The following ZNF692 variants were observed in gnomAD, a reference collection of about 807,000 sequenced individuals.
ZNF692 encodes zinc finger protein 692.
ZNF692 carries 41 observed loss-of-function variants against 49.0 expected under a neutral mutation model. The observed-to-expected ratio is 0.84, with a 90% CI of 0.65 to 1.08. ZNF692 has a LOEUF of 1.08. Ranked by LOEUF, ZNF692 falls within the 50% of genes least tolerant of loss-of-function variation. The probability of loss-of-function intolerance (pLI) is 0.00; values close to 1 mark genes in which losing one functional copy is unlikely to be tolerated. For missense variants in ZNF692, 662 were observed against 662.2 expected, an observed-to-expected ratio of 1.00 and a Z score of 0.00; for synonymous variants, 288 against 251.5, an observed-to-expected ratio of 1.15 and a Z score of -1.37.
Position 248,854,153 on chromosome 1 carries a change from C to T in ZNF692, c.1039-102G>A, listed in dbSNP as rs1330835930. 4 of 813,274 alleles carry T rather than the reference C, an allele frequency of 4.9e-6. No homozygotes were observed. In the Admixed American group the frequency reaches 6.3e-5, roughly 13 times the overall value. The allele number at this position is 813,274 out of a possible 1,614,324, so 50.4% of individuals were successfully genotyped here. ...ACCCGGCAGGCATGCTCCTCTGTCCCCTTCCTGGCCCCTGTGCCCCAGCAG... is the reference window on the plus strand; with the variant it reads ...ACCCGGCAGGCATGCTCCTCTGTCCTCTTCCTGGCCCCTGTGCCCCAGCAG... On this transcript the variant is annotated intron_variant, in intron 9 of 11. Transcript: ENST00000306601.
chr1:248,850,649 C>T, intron 11 of ZNF692, 33 bp downstream of exon 11: 1 of 1,612,324 alleles, frequency 6.2e-7, no homozygotes, highest in Non-Finnish European at 8.5e-7. Flanking sequence ...TCCCTTCTAG[C>T]CCCTGGCCCT....
At chr1:248,854,350 C>A (rs1285726546) in intron 9 of ZNF692, 2 of 321,518 alleles carry the variant, frequency 6.2e-6, no homozygotes, top group African/African-American at 4.2e-5. Context: ...CTGCAATGTT[C>A]CCTGTACAAA....
intron 10 of ZNF692, 70 bp downstream of exon 10, chr1:248,853,867 G>T: frequency 3.2e-6 from 4 of 1,255,278 alleles, no homozygotes; most frequent in Non-Finnish European, 4.6e-6. Context: ...AACCCACAGA[G>T]CCCAGGGTGA....
Position 248,858,445 on chromosome 1 carries a change from T to C in ZNF692, c.-12-124A>G. ...CTGGGGCAAGACTAAACTATTTCAA[T>C]AGCAGTGGCAGGTGTGGAGCCAAAC... On this transcript the variant is annotated intron_variant, in intron 1 of 11. Transcript: ENST00000306601. The surrounding 1 kb of genome is among the most constrained non-coding windows in gnomAD (Gnocchi z 4.3). 1.9e-6 allele frequency: 3 copies of C among 1,551,304 alleles called. No individual in the cohort carries two copies. The highest frequency in any genetic ancestry group is 1.7e-6 in the Non-Finnish European group (2 of 1,146,652).
In ZNF692 at chr1:248,851,050, C is replaced by T. The variant is rs1036556048; in HGVS notation, c.1154-269G>A. Reference sequence around the variant, plus strand: ...CCAATCCCACTCAAACCAATGAACTCCTGATGGAAGTGCACCACCCCACCT... The same window carrying T: ...CCAATCCCACTCAAACCAATGAACTTCTGATGGAAGTGCACCACCCCACCT... On this transcript the variant is annotated intron_variant, in intron 10 of 11. Coordinates refer to ENST00000306601, the MANE Select transcript of ZNF692 (RefSeq NM_017865.4). 55 of 610,878 alleles carry T rather than the reference C, an allele frequency of 9.0e-5. No individual in the cohort carries two copies. The East Asian group carries it at 1.4e-3, about 16-fold the overall frequency. The allele number at this position is 610,878 out of a possible 1,614,324, so 37.8% of individuals were successfully genotyped here.
chr1:248,858,085 CT>C lies in ZNF692; in HGVS notation c.179+45del, dbSNP rs1286310867. 5 of 1,549,708 alleles carry C rather than the reference CT, an allele frequency of 3.2e-6. No individual in the cohort carries two copies. The highest frequency in any genetic ancestry group is 3.5e-6 in the Non-Finnish European group (4 of 1,151,684). On this transcript the variant is annotated intron_variant, in intron 2 of 11. Transcript: ENST00000306601. This position sits in a 1 kb window ranked among gnomAD's most constrained non-coding sequence, Gnocchi z 4.3. ...CAGGCCCTGGAGAGGAGGCTAGGGG[CT>C]GCTGCCTGGGTACCCTCCCCCAAGC...
chr1:248,858,490 G>A lies in ZNF692; in HGVS notation c.-12-169C>T. ...CCAAACCCCGTCCTTCTATGATACA[G>A]GGTGTTGAAGCTCAGCGCTACCATG... On this transcript the variant is annotated intron_variant, in intron 1 of 11. Transcript: ENST00000306601. The surrounding 1 kb of genome is among the most constrained non-coding windows in gnomAD (Gnocchi z 4.3). 1 of 1,551,744 alleles carries A rather than the reference G, an allele frequency of 6.4e-7. No individual in the cohort carries two copies.
chr1:248,852,043 GAC>G (rs1229704334), intron 10 of ZNF692, among the ~76,000 whole-genome samples: 13 of 152,188 alleles, frequency 8.5e-5, no homozygotes, highest in African/African-American at 3.1e-4. Context: ...ACTCAGGATA[GAC>G]ACAACTTTTG....
At chr1:248,857,973 G>C (rs748187753) in intron 2 of ZNF692, 114 bp from the exon 3 acceptor site, 25 of 1,556,800 alleles carry the variant, frequency 1.6e-5, no homozygotes, top group African/African-American at 2.7e-5. Flanking sequence ...GAGACCATGA[G>C]GAGGGGAGCA....
At position 248,855,700 on chromosome 1, in the gene ZNF692, C is replaced by CT. The variant is rs1174596914; in HGVS notation, c.881+24dup. 7.4e-6 allele frequency: 12 copies of CT among 1,614,088 alleles called. No individual in the cohort carries two copies. In the Admixed American group the frequency reaches 1.3e-4, roughly 18 times the overall value. On this transcript the variant is annotated intron_variant, in intron 7 of 11. Transcript: ENST00000306601. ...GGCCACATCCCAGGACGCCCCTGCC[C>CT]TTTCTGTCTCAGCCATCAGGTTACC...
Position 248,856,540 on chromosome 1 carries a change from C to G in ZNF692, c.498G>C (p.Glu166Asp), listed in dbSNP as rs772863061. ...ELADLESEHD[E>D]RTQEARLPRR... is the part of the protein sequence containing the mutation. ...TGGGCAACCTGGCCTCTTGAGTCCT[C>G]TCATCATGCTCAGATTCCAAATCTG... is the stretch of plus-strand genomic sequence containing the variant. Residue 166 changes from glutamate (E) to aspartate (D), a missense_variant, in exon 5 of 12, where the codon GAG (glutamate) becomes GAC (aspartate). Coordinates refer to ENST00000306601, the MANE Select transcript of ZNF692 (RefSeq NM_017865.4). 9 of 1,614,176 alleles carry G rather than the reference C, an allele frequency of 5.6e-6. No homozygotes were observed. Among genetic ancestry groups the G allele is most frequent in the Non-Finnish European group, 7.6e-6 (9 of 1,180,042 alleles).
chr1:248,853,399 G>A (rs1376239597), intron 10 of ZNF692, among the ~76,000 whole-genome samples: 1 of 152,164 alleles, frequency 6.6e-6, no homozygotes, highest in African/African-American at 2.4e-5. Context: ...ATGTCAAACT[G>A]TCCTGTGGAT....
chr1:248,855,382 T>G lies in ZNF692; in HGVS notation c.1036A>C (p.Asn346His). The change falls in exon 9 of 12, where the codon AAT (asparagine) becomes CAT (histidine). Residue 346 changes from asparagine to histidine, a missense_variant and splice_region_variant. Asn to His is a moderately conservative substitution (Grantham distance 68). Coordinates refer to ENST00000306601, the MANE Select transcript of ZNF692 (RefSeq NM_017865.4). ...AGGCCCCAACCTGTGCCCCTCACATTCAAATACTGCCGGTTGGAGAAGATC... is the reference window on the plus strand; with the variant it reads ...AGGCCCCAACCTGTGCCCCTCACATGCAAATACTGCCGGTTGGAGAAGATC... ...GRIFSNRQYL[N>H]HHKKYQHIHQ... is the part of the protein sequence containing the mutation. 1 of 1,614,024 alleles carries G rather than the reference T, an allele frequency of 6.2e-7. No homozygotes were observed. Among genetic ancestry groups the G allele is most frequent in the Non-Finnish European group, 8.5e-7 (1 of 1,180,008 alleles).
chr1:248,857,949 G>A (rs747412235), intron 2 of ZNF692, 90 bp from the exon 3 acceptor site: 1 of 1,574,480 alleles, frequency 6.4e-7, no homozygotes, highest in Non-Finnish European at 8.6e-7. Context: ...CAGCCCTAAG[G>A]GCCGCTATTC....
In ZNF692 at chr1:248,855,631, C is replaced by A. The variant is rs202070604; in HGVS notation, c.886G>T (p.Gly296Trp). The A allele has an allele frequency of 3.1e-6, 5 of 1,614,226 alleles. No individual in the cohort carries two copies. In the Admixed American group the frequency reaches 8.3e-5, roughly 27 times the overall value. The change falls in exon 8 of 12, where the codon GGG (glycine) becomes TGG (tryptophan). Residue 296 changes from glycine (G) to tryptophan (W), a missense_variant. Coordinates refer to ENST00000306601, the MANE Select transcript of ZNF692 (RefSeq NM_017865.4). ...AQQTEALAST[G>W]SQAQSAPTPA... ...GTTGGAGCAGACTGGGCCTGACTCC[C>A]AGTGCTACGGGCAGCAAAGAGGGAG...
rs753671789 is a variant in ZNF692 at position 248,855,926 on chromosome 1, C to G, written c.680G>C (p.Arg227Thr). The G allele has an allele frequency of 1.9e-6, 3 of 1,614,014 alleles. No homozygotes were observed. The South Asian group carries it at 3.3e-5, about 18-fold the overall frequency. The change falls in exon 7 of 12, where the codon AGA becomes ACA. Residue 227 changes from arginine to threonine, a missense_variant. Physicochemically the swap from Arg to Thr is moderately conservative, Grantham distance 71. Coordinates refer to ENST00000306601, the MANE Select transcript of ZNF692 (RefSeq NM_017865.4). ...GCAGGTGACAGGGGAAGGCAGTAGT[C>G]TGGGGGCATCAGGCTCACTACTGAA... is the stretch of plus-strand genomic sequence containing the variant. ...SPDDSEPDAP[R>T]LLPSPVTCTP...
At chr1:248,857,736 T>C in intron 3 of ZNF692, 92 bp downstream of exon 3, 3 of 1,546,666 alleles carry the variant, frequency 1.9e-6, no homozygotes, top group Non-Finnish European at 1.8e-6. Context: ...TTCCCAAACT[T>C]ACTCAGGGCT....
rs1659921725 is a variant in ZNF692 at position 248,853,984 on chromosome 1, G to A, written c.1106C>T (p.Ser369Phe). 1 of 1,614,220 alleles carries A rather than the reference G, an allele frequency of 6.2e-7. No homozygotes were observed. The highest frequency in any genetic ancestry group is 8.5e-7 in the Non-Finnish European group (1 of 1,180,026). The change falls in exon 10 of 12, where the codon TCT becomes TTT. Residue 369 changes from serine (S) to phenylalanine (F), a missense_variant. Transcript: ENST00000306601. ...CTTCAGGTGTTTCTTAAAGTTGAAAGACTTCCCACAGGCTGGCTCTGGGCA... is the reference window on the plus strand; with the variant it reads ...CTTCAGGTGTTTCTTAAAGTTGAAAAACTTCCCACAGGCTGGCTCTGGGCA... ...FSCPEPACGKSFNFKKHLKEH... is the reference protein window; with the variant it reads ...FSCPEPACGKFFNFKKHLKEH...
At chr1:248,854,733 G>A (rs988642814) in intron 9 of ZNF692, among the ~76,000 whole-genome samples, 1 of 152,152 alleles carries the variant, frequency 6.6e-6, no homozygotes, top group Non-Finnish European at 1.5e-5. Flanking sequence ...TAAACTTCCA[G>A]GGGCTGCTTT....
Sources: gnomAD v4.1 joint callset for allele counts (sites outside exome capture counted in the v4.1 genomes callset) on GRCh38, gnomAD v4.1.1 for gene constraint, Gnocchi (gnomAD v3.1) non-coding constraint, MANE v1.5 for transcripts, NCBI Gene and HGNC (gene_info 2026-07-23, HGNC 2026-07-21) for gene names.